SV2C: variants seen among roughly 807,000 people sequenced by gnomAD.
SV2C encodes the protein synaptic vesicle glycoprotein 2C.
In SV2C, 49 loss-of-function variants were observed where a neutral mutation model predicts 79.7. The observed-to-expected ratio is 0.61, with a 90% CI of 0.49 to 0.78. SV2C has a LOEUF of 0.78. SV2C is among the 30% of genes least tolerant of loss of function. The pLI is 0.00. For missense variants in SV2C, 833 were observed against 912.9 expected (o/e 0.91, Z 1.13); for synonymous variants, 334 against 333.2 (o/e 1.00, Z -0.03).
At chr5:75,978,055 C>T in the SV2C span, among the ~76,000 whole-genome samples, 1 of 152,292 alleles carries the variant, frequency 6.6e-6, no homozygotes, top group East Asian at 1.9e-4. Flanking sequence ...CTGATTATGT[C>T]TGGAACCATG....
the SV2C span, among the ~76,000 whole-genome samples, chr5:75,938,136 T>C: frequency 6.6e-6 from 1 of 152,196 alleles, no homozygotes; most frequent in Non-Finnish European, 1.5e-5. Flanking sequence ...ATTTGTGGAC[T>C]GGATGGCTAG....
chr5:76,346,023 T>C (rs148088175), intron 12 of SV2C, among the ~76,000 whole-genome samples: 131 of 152,332 alleles, frequency 8.6e-4, no homozygotes, highest in African/African-American at 2.9e-3. Context: ...AGACCTGTGC[T>C]GGTAAGTATT....
the SV2C span, among the ~76,000 whole-genome samples, chr5:76,045,419 T>C: frequency 2.0e-5 from 3 of 152,150 alleles, no homozygotes; most frequent in African/African-American, 7.2e-5. Flanking sequence ...TTCATATGAA[T>C]TTTAAAGTAG....
chr5:75,925,880 A>G, the SV2C span, among the ~76,000 whole-genome samples: 5 of 152,254 alleles, frequency 3.3e-5, no homozygotes, highest in East Asian at 9.6e-4. Context: ...GACCCTGGAA[A>G]TGAGCTGGAC....
chr5:76,104,046 G>A (rs1217618105), intron 1 of SV2C, among the ~76,000 whole-genome samples: 1 of 152,136 alleles, frequency 6.6e-6, no homozygotes, highest in East Asian at 1.9e-4. Context: ...GTAGTCTATG[G>A]AAGGCCCTAG....
the SV2C span, among the ~76,000 whole-genome samples, chr5:75,850,748 C>A: frequency 6.6e-6 from 1 of 152,002 alleles, no homozygotes; most frequent in African/African-American, 2.4e-5. Flanking sequence ...GTGCAACAAA[C>A]AGGTCAGCAA....
chr5:75,863,230 C>T, the SV2C span, among the ~76,000 whole-genome samples: 1 of 152,158 alleles, frequency 6.6e-6, no homozygotes, highest in South Asian at 2.1e-4. Flanking sequence ...AAAAGATACG[C>T]TGTACCCTGC....
the SV2C span, among the ~76,000 whole-genome samples, chr5:75,882,021 T>C: frequency 6.7e-6 from 1 of 150,236 alleles, no homozygotes; most frequent in Non-Finnish European, 1.5e-5. Flanking sequence ...TTGTTGAATT[T>C]TGTCAAAGGC....
upstream of SV2C, among the ~76,000 whole-genome samples, chr5:76,082,639 C>G (rs539375330): frequency 6.7e-6 from 1 of 150,112 alleles, no homozygotes; most frequent in African/African-American, 2.5e-5. Flanking sequence ...TCTCCACCCC[C>G]CCCCCCTCAT....
intron 12 of SV2C, among the ~76,000 whole-genome samples, chr5:76,350,481 C>T (rs78601728): frequency 0.01 from 1,546 of 152,284 alleles, 24 homozygotes; most frequent in African/African-American, 0.035. Context: ...TCTCATTTTC[C>T]AGTGTGAAAT....
chr5:75,944,759 C>T, the SV2C span, among the ~76,000 whole-genome samples: 221 of 152,178 alleles, frequency 1.5e-3, no homozygotes, highest in African/African-American at 4.9e-3. Flanking sequence ...TCTTGCTTTC[C>T]GGAGAGTGTG....
At chr5:76,304,311 T>C (rs553995433) in intron 12 of SV2C, among the ~76,000 whole-genome samples, 1 of 152,350 alleles carries the variant, frequency 6.6e-6, no homozygotes, top group Admixed American at 6.5e-5. Context: ...AGCTAATTAG[T>C]GAGTATCTGA....
At chr5:75,876,602 A>G in the SV2C span, among the ~76,000 whole-genome samples, 1 of 152,122 alleles carries the variant, frequency 6.6e-6, no homozygotes, top group East Asian at 1.9e-4. Flanking sequence ...ACTAGAGATG[A>G]TAAAGTAATA....
intron 4 of SV2C, among the ~76,000 whole-genome samples, chr5:76,216,818 G>A (rs930167340): frequency 6.6e-6 from 1 of 152,138 alleles, no homozygotes; most frequent in Non-Finnish European, 1.5e-5. Context: ...AGTACCTCAG[G>A]GGAAATGGGA....
At chr5:76,235,795 C>T (rs1745592177) in intron 4 of SV2C, among the ~76,000 whole-genome samples, 1 of 150,716 alleles carries the variant, frequency 6.6e-6, no homozygotes, top group African/African-American at 2.5e-5. Flanking sequence ...TTCCATTTAG[C>T]TCACACTTAC....
rs774930807 is a variant in SV2C, at chr5:76,300,725, A to G, written c.1637-4A>G. 1 of 1,613,568 alleles carries G rather than the reference A, an allele frequency of 6.2e-7. No individual in the cohort carries two copies. On this transcript the variant is annotated splice_polypyrimidine_tract_variant and splice_region_variant and intron_variant, in intron 10 of 12. Coordinates refer to ENST00000502798, the MANE Select transcript of SV2C (RefSeq NM_014979.4). ...ATGAATTGTCTTTGTTGTTGTTTCT[A>G]CAGATTTTGAGCCATATAAATTCAT...
chr5:75,951,946 A>G, the SV2C span, among the ~76,000 whole-genome samples: 1 of 152,008 alleles, frequency 6.6e-6, no homozygotes, highest in East Asian at 1.9e-4. Context: ...GTAAGGATAT[A>G]TAAAGGACTG....
At chr5:76,301,276 G>T in intron 11 of SV2C, 110 bp from the exon 12 acceptor site, 1 of 1,431,726 alleles carries the variant, frequency 7.0e-7, no homozygotes, top group Non-Finnish European at 9.5e-7. Flanking sequence ...AGCCCATCCT[G>T]CAGCTTCCAC....
In SV2C at chr5:76,331,166, C is replaced by T. The variant is rs543882780; in HGVS notation, c.*5619C>T. 1 of 152,420 alleles carries T rather than the reference C, an allele frequency of 6.6e-6. No individual in the cohort carries two copies. The highest frequency in any genetic ancestry group is 2.1e-4 in the South Asian group (1 of 4,824). 9.4% of individuals were successfully genotyped at this position (152,420 alleles called of 1,614,324 possible). On this transcript the variant is annotated 3_prime_UTR_variant, in exon 13 of 13. Transcript: ENST00000502798. ...AGCCACTACACCTGGCCTAAAGTCC[C>T]GCTTTCTTCTGAGGTGTTCTTTTCA...
Sources: allele counts gnomAD v4.1 joint callset (sites outside exome capture counted in the v4.1 genomes callset), GRCh38; gene constraint gnomAD v4.1.1; transcripts MANE v1.5; gene names NCBI Gene and HGNC (gene_info 2026-07-23, HGNC 2026-07-21).